EIF2B3: variants seen among roughly 807,000 people sequenced by gnomAD.
EIF2B3 encodes the protein translation initiation factor eIF2B subunit gamma.
In EIF2B3, 20 loss-of-function variants were observed where a neutral mutation model predicts 54.1. That is an observed-to-expected ratio of 0.37 (90% CI 0.26 to 0.54). EIF2B3 has a LOEUF of 0.54. EIF2B3 is among the 20% of genes least tolerant of loss of function. The pLI is 0.86. For synonymous variants in EIF2B3, 153 were observed against 188.1 expected, an observed-to-expected ratio of 0.81 and a Z score of 1.52; for missense variants, 448 against 547.8, an observed-to-expected ratio of 0.82 and a Z score of 1.82.
At chr1:44,872,517 G>T (rs1472395935) in intron 10 of EIF2B3, among the ~76,000 whole-genome samples, 1 of 152,060 alleles carries the variant, frequency 6.6e-6, no homozygotes, top group East Asian at 1.9e-4. Context: ...GGGCCTGGTG[G>T]TGTGCGCCTG....
chr1:44,916,149 T>C (rs763181055), intron 5 of EIF2B3, among the ~76,000 whole-genome samples: 2 of 152,274 alleles, frequency 1.3e-5, no homozygotes, highest in East Asian at 1.9e-4. Context: ...GTTCTACATA[T>C]AAATGGGCTA....
chr1:44,968,345 G>C (rs1442191533), intron 3 of EIF2B3, among the ~76,000 whole-genome samples: 3 of 148,256 alleles, frequency 2.0e-5, no homozygotes, highest in Non-Finnish European at 4.4e-5. Flanking sequence ...CTGGGCGACA[G>C]AGTGAGACTC....
intron 3 of EIF2B3, among the ~76,000 whole-genome samples, chr1:44,956,563 G>A (rs1249635417): frequency 1.3e-5 from 2 of 151,624 alleles, no homozygotes; most frequent in African/African-American, 4.8e-5. Context: ...AGATGAAGCA[G>A]ATAAAAAATA....
chr1:44,897,547 G>T, intron 5 of EIF2B3, 103 bp from the exon 6 acceptor site: 1 of 910,702 alleles, frequency 1.1e-6, no homozygotes, highest in Non-Finnish European at 1.7e-6. Context: ...AGTTTATGAG[G>T]GTCAGAGGCA....
At chr1:44,938,052 C>G (rs1423503575) in intron 4 of EIF2B3, among the ~76,000 whole-genome samples, 1 of 152,008 alleles carries the variant, frequency 6.6e-6, no homozygotes, top group African/African-American at 2.4e-5. Context: ...CCAGAAACAT[C>G]CAGAGATTAG....
chr1:44,971,210 G>A (rs1644396133), intron 3 of EIF2B3, among the ~76,000 whole-genome samples: 1 of 151,888 alleles, frequency 6.6e-6, no homozygotes, highest in African/African-American at 2.4e-5. Context: ...GTGAAACCCT[G>A]GCTCTACTAA....
chr1:44,857,249 G>A (rs1360062386), intron 11 of EIF2B3, among the ~76,000 whole-genome samples: 1 of 152,218 alleles, frequency 6.6e-6, no homozygotes, highest in Non-Finnish European at 1.5e-5. Flanking sequence ...TGACAGTGAT[G>A]CCAGGTGCGG....
At chr1:44,981,803 G>A (rs1014718793) in intron 1 of EIF2B3, among the ~76,000 whole-genome samples, 6 of 151,922 alleles carry the variant, frequency 3.9e-5, no homozygotes, top group Non-Finnish European at 1.5e-5. Flanking sequence ...CAGGGGTGGT[G>A]GCTTGTGCCT....
chr1:44,976,667 GGATA>G (rs1228209890), intron 3 of EIF2B3, among the ~76,000 whole-genome samples: 1 of 151,974 alleles, frequency 6.6e-6, no homozygotes, highest in Non-Finnish European at 1.5e-5. Context: ...GTCAATAGGA[GGATA>G]GATAAATAAA....
intron 5 of EIF2B3, among the ~76,000 whole-genome samples, chr1:44,914,806 A>G (rs917297351): frequency 4.6e-5 from 7 of 151,978 alleles, no homozygotes; most frequent in Non-Finnish European, 8.8e-5. Context: ...CTCCTGCCTC[A>G]GCCTCCCAAG....
chr1:44,860,144 CA>C (rs1337712432), intron 10 of EIF2B3, among the ~76,000 whole-genome samples: 1 of 150,726 alleles, frequency 6.6e-6, no homozygotes, highest in Non-Finnish European at 1.5e-5. Flanking sequence ...CTCCTGGCCA[CA>C]AATCTAGTAA....
At chr1:44,971,502 G>A (rs1644399179) in intron 3 of EIF2B3, among the ~76,000 whole-genome samples, 1 of 152,066 alleles carries the variant, frequency 6.6e-6, no homozygotes, top group Admixed American at 6.6e-5. Context: ...TACTTCTCAA[G>A]CCTCCAAGTA....
In EIF2B3 at chr1:44,881,935, G is replaced by T. The variant is rs574175045; in HGVS notation, c.657-196C>A. Reference sequence around the variant, plus strand: ...CTGGTGGGTACTGAGACAGGATGTTGGGTCTAAGTGATCAGGAATCTGTAC... The same window carrying T: ...CTGGTGGGTACTGAGACAGGATGTTTGGTCTAAGTGATCAGGAATCTGTAC... On this transcript the variant is annotated intron_variant, in intron 6 of 11. Coordinates refer to ENST00000360403, the MANE Select transcript of EIF2B3 (RefSeq NM_020365.5). The surrounding 1 kb of genome is among the most constrained non-coding windows in gnomAD (Gnocchi z 4.0). Among the ~76,000 whole-genome samples the T allele has an allele frequency of 5.3e-5, 8 of 152,270 alleles. No homozygotes were observed. The South Asian group carries it at 1.0e-3, about 20-fold the overall frequency.
chr1:44,946,177 A>G (rs1557699025), intron 3 of EIF2B3, among the ~76,000 whole-genome samples: 1 of 152,178 alleles, frequency 6.6e-6, no homozygotes, highest in African/African-American at 2.4e-5. Context: ...TCTGGTTGCC[A>G]TCTGTTCTTA....
chr1:44,866,397 C>CA (rs1426558504), intron 10 of EIF2B3, among the ~76,000 whole-genome samples: 26,212 of 101,140 alleles, frequency 0.26, 2,495 homozygotes, highest in Admixed American at 0.37. Flanking sequence ...GATTCTGTCT[C>CA]AAAAAAAAAA....
At chr1:44,932,093 CAGAG>C (rs1643901390) in intron 4 of EIF2B3, among the ~76,000 whole-genome samples, 1 of 151,944 alleles carries the variant, frequency 6.6e-6, no homozygotes, top group African/African-American at 2.4e-5. Context: ...GCCTGGACAA[CAGAG>C]AGAGACTGTC....
rs538137527 is a variant in EIF2B3, at chr1:44,911,945, G to C, written c.567-14501C>G. On this transcript the variant is annotated intron_variant, in intron 5 of 11. Coordinates refer to ENST00000360403, the MANE Select transcript of EIF2B3 (RefSeq NM_020365.5). Reference sequence around the variant, plus strand: ...TTGTTCAATTCCCACCTATGAGTGAGAACATGCGGTGTTTGGTTTTTTGTT... The same window carrying C: ...TTGTTCAATTCCCACCTATGAGTGACAACATGCGGTGTTTGGTTTTTTGTT... 2.7e-5 allele frequency among the ~76,000 whole-genome samples: 4 copies of C among 148,674 alleles called. No individual in the cohort carries two copies. In the East Asian group the frequency reaches 8.1e-4, roughly 30 times the overall value.
intron 5 of EIF2B3, among the ~76,000 whole-genome samples, chr1:44,919,715 C>CTTTTTT (rs777128961): frequency 2.6e-5 from 3 of 115,870 alleles, no homozygotes; most frequent in African/African-American, 1.1e-4. Context: ...ATTGAATGTC[C>CTTTTTT]TTTTTTTTTT....
At position 44,981,765 on chromosome 1, in the gene EIF2B3, A is replaced by G. The variant is rs1458155269; in HGVS notation, c.-9-588T>C. 2.0e-5 allele frequency among the ~76,000 whole-genome samples: 3 copies of G among 152,086 alleles called. No individual in the cohort carries two copies. In the East Asian group the frequency reaches 5.8e-4, roughly 29 times the overall value. On this transcript the variant is annotated intron_variant, in intron 1 of 11. Transcript: ENST00000360403. Reference sequence around the variant, plus strand: ...AGCCTGGGCAACATGGCGAGACCCCATCTCTACCAAAAATACAAAAAATTA... The same window carrying G: ...AGCCTGGGCAACATGGCGAGACCCCGTCTCTACCAAAAATACAAAAAATTA...
Sources: allele counts gnomAD v4.1 joint callset (sites outside exome capture counted in the v4.1 genomes callset), GRCh38; gene constraint gnomAD v4.1.1; non-coding constraint Gnocchi (gnomAD v3.1); transcripts MANE v1.5; gene names NCBI Gene and HGNC (gene_info 2026-07-23, HGNC 2026-07-21).